SRGAP3: variants seen among roughly 807,000 people sequenced by gnomAD.
SRGAP3 encodes SLIT-ROBO Rho GTPase-activating protein 3.
SRGAP3 carries 39 observed loss-of-function variants against 121.1 expected under a neutral mutation model. The observed-to-expected ratio is 0.32, with a 90% CI of 0.25 to 0.42. SRGAP3 has a LOEUF of 0.42. Among genes scored for constraint, SRGAP3 ranks in the 10% least tolerant of loss-of-function variants. SRGAP3 has a pLI of 1.00. For missense variants in SRGAP3, 1,213 were observed against 1,470.6 expected (o/e 0.82, Z 2.86); for synonymous variants, 601 against 570.0 (o/e 1.05, Z -0.77).
chr3:9,119,348 C>T (rs973481677), intron 2 of SRGAP3, among the ~76,000 whole-genome samples: 1 of 152,186 alleles, frequency 6.6e-6, no homozygotes, highest in Non-Finnish European at 1.5e-5. Flanking sequence ...GTGGGCTCCT[C>T]GGCTCCACCC....
At chr3:9,049,413 G>C (rs563029277) in intron 9 of SRGAP3, 1 of 455,976 alleles carries the variant, frequency 2.2e-6, no homozygotes, top group African/African-American at 2.0e-5. Context: ...ACACACGTAC[G>C]TTTAAGCCTC....
At chr3:9,249,837 C>T (rs545387125), upstream of SRGAP3, among the ~76,000 whole-genome samples, 10 of 152,340 alleles carry the variant, frequency 6.6e-5, no homozygotes, top group African/African-American at 2.4e-4. Flanking sequence ...TCTTGAGAGG[C>T]TTCTGCAAAC....
chr3:9,260,383 A>G (rs1954229519), intron 3 of SRGAP3, among the ~76,000 whole-genome samples: 1 of 152,158 alleles, frequency 6.6e-6, no homozygotes, highest in East Asian at 1.9e-4. Context: ...GGAGTCCAGC[A>G]AGCTAAGATT....
At chr3:9,081,330 C>T in intron 3 of SRGAP3, 1 of 454,862 alleles carries the variant, frequency 2.2e-6, no homozygotes, top group South Asian at 1.6e-5. Flanking sequence ...AGGAGAAGTA[C>T]AGGTTGGCAG....
At chr3:9,203,256 C>A (rs999021624) in intron 1 of SRGAP3, among the ~76,000 whole-genome samples, 2 of 152,196 alleles carry the variant, frequency 1.3e-5, no homozygotes, top group Admixed American at 1.3e-4. Context: ...CACCCCCTCT[C>A]CCAAGCTCAG....
intron 14 of SRGAP3, 132 bp from the exon 15 acceptor site, chr3:9,015,863 T>C (rs917249873): frequency 6.1e-6 from 6 of 988,568 alleles, no homozygotes; most frequent in Non-Finnish European, 9.3e-6. Flanking sequence ...CCCCCACATA[T>C]GAGGCCCCCC....
intron 1 of SRGAP3, chr3:9,217,740 G>C (rs1319456546): frequency 6.6e-6 from 1 of 152,150 alleles, no homozygotes; most frequent in Non-Finnish European, 1.5e-5. Flanking sequence ...GGTTGCTCCA[G>C]TGTCAAGACT....
chr3:9,195,613 C>T (rs1355054141), intron 1 of SRGAP3, among the ~76,000 whole-genome samples: 2 of 152,142 alleles, frequency 1.3e-5, no homozygotes, highest in Non-Finnish European at 1.5e-5. Context: ...GAAAGGCACA[C>T]CAATAAACAG....
chr3:9,149,624 T>C (rs535363160), intron 1 of SRGAP3, among the ~76,000 whole-genome samples: 1 of 152,316 alleles, frequency 6.6e-6, no homozygotes, highest in African/African-American at 2.4e-5. Flanking sequence ...CAGCAGCACA[T>C]GTCTGGGCTG....
intron 14 of SRGAP3, among the ~76,000 whole-genome samples, chr3:9,024,547 T>C (rs916153002): frequency 2.6e-5 from 4 of 152,198 alleles, no homozygotes; most frequent in African/African-American, 9.7e-5. Flanking sequence ...TCACTGGCCA[T>C]CTGTTCCTAT....
intron 9 of SRGAP3, 72 bp from the exon 10 acceptor site, chr3:9,047,547 A>T: frequency 6.8e-7 from 1 of 1,463,396 alleles, no homozygotes; most frequent in Non-Finnish European, 9.5e-7. Flanking sequence ...TCTGCAACTG[A>T]CCTCTGGGAC....
chr3:9,027,246 A>G (rs1944253503), intron 12 of SRGAP3, among the ~76,000 whole-genome samples: 1 of 152,252 alleles, frequency 6.6e-6, no homozygotes, highest in Non-Finnish European at 1.5e-5. Flanking sequence ...CTGGAAAGGA[A>G]CCTGGGCTCA....
At chr3:9,042,438 GA>G (rs3070001) in intron 10 of SRGAP3, among the ~76,000 whole-genome samples, 29,601 of 132,630 alleles carry the variant, frequency 0.22, 3,431 homozygotes, top group African/African-American at 0.35. Flanking sequence ...TTTATTTACA[GA>G]AAAAAAAAAA....
chr3:9,013,832 G>C lies in SRGAP3; in HGVS notation c.1824C>G (p.Asn608Lys). 6.2e-7 allele frequency: 1 copy of C among 1,614,182 alleles called. No individual in the cohort carries two copies. The highest frequency in any genetic ancestry group is 1.3e-5 in the African/African-American group (1 of 75,040). The change falls in exon 16 of 22, where the codon AAC becomes AAG. Residue 608 changes from asparagine to lysine, a missense_variant. This residue lies in a region of SRGAP3 where 793 missense variants were observed against 1,032.9 expected (regional missense o/e 0.77). Coordinates refer to ENST00000383836, the MANE Select transcript of SRGAP3 (RefSeq NM_014850.4). ...GGATCTGGTGCACCCTCTCGGCTGG[G>C]TTCTCCAGTTCTGTAACATAAAGGG... ...QDLISTIKLENPAERVHQIQQ... is the reference protein window; with the variant it reads ...QDLISTIKLEKPAERVHQIQQ...
intron 3 of SRGAP3, among the ~76,000 whole-genome samples, chr3:9,080,753 C>T (rs564650322): frequency 2.0e-5 from 3 of 152,028 alleles, no homozygotes; most frequent in South Asian, 2.1e-4. Context: ...GTGTGAACTG[C>T]GCATGTGGGG....
At position 8,990,719 on chromosome 3, in the gene SRGAP3, G is replaced by T. The variant is rs1179332635; in HGVS notation, c.2679C>A (p.Pro893=). Residue 893 remains proline (P), a synonymous_variant, in exon 21 of 22, where the codon CCC becomes CCA. Transcript: ENST00000383836. ...TGAGGGGGATTTTGTGGGGGCTGCT[G>T]GGGCAGGCAGCAGCCCGGGGTGGTG... The part of the protein sequence containing the change: ...IDTPPRAAAC[P]SSPHKIPLTR... 7.4e-6 allele frequency: 12 copies of T among 1,612,378 alleles called. No individual in the cohort carries two copies. Among genetic ancestry groups the T allele is most frequent in the Non-Finnish European group, 1.0e-5 (12 of 1,179,564 alleles).
intron 1 of SRGAP3, among the ~76,000 whole-genome samples, chr3:9,360,183 C>T (rs1187635017): frequency 6.6e-6 from 1 of 152,190 alleles, no homozygotes; most frequent in Non-Finnish European, 1.5e-5. Flanking sequence ...CCCGCCTCTG[C>T]CTCCCAAATT....
rs865909321 is a variant in SRGAP3, at chr3:9,345,374, G to C, written n.215-14778C>G. The stretch of plus-strand genomic sequence containing the variant: ...AGGGGTGGTAGTCCCAGCTACTCTG[G>C]AGGCTGAGGTGAGGGTATTGCTTGA... On this transcript the variant is annotated intron_variant and non_coding_transcript_variant, in intron 1 of 3. Transcript: ENST00000490889. 2.6e-5 allele frequency among the ~76,000 whole-genome samples: 4 copies of C among 152,098 alleles called. No homozygotes were observed. In the South Asian group the frequency reaches 8.3e-4, roughly 32 times the overall value.
intron 1 of SRGAP3, among the ~76,000 whole-genome samples, chr3:9,221,268 T>C (rs935302827): frequency 6.6e-6 from 1 of 152,244 alleles, no homozygotes; most frequent in African/African-American, 2.4e-5. Context: ...GGCATGCTCA[T>C]GCTTGTCATT....
Sources: gnomAD v4.1 joint callset for allele counts (sites outside exome capture counted in the v4.1 genomes callset) on GRCh38, gnomAD v4.1.1 for gene constraint, gnomAD v4.1.1 regional missense constraint, MANE v1.5 for transcripts, NCBI Gene and HGNC (gene_info 2026-07-23, HGNC 2026-07-21) for gene names.